Variants in AGAP6 observed in about 807,000 individuals in gnomAD.
The protein encoded by AGAP6 is ArfGAP with GTPase domain, ankyrin repeat and PH domain 6.
Under a neutral mutation model 63.9 loss-of-function variants are expected in AGAP6, and 29 were observed. That is an observed-to-expected ratio of 0.45 (90% CI 0.34 to 0.62). The LOEUF (loss-of-function observed/expected upper bound fraction) is 0.62, where lower values mean the gene tolerates loss of function less well. Ranked by LOEUF, AGAP6 falls within the 20% of genes least tolerant of loss-of-function variation. The probability of loss-of-function intolerance (pLI) is 0.01; values close to 1 mark genes in which losing one functional copy is unlikely to be tolerated. For synonymous variants in AGAP6, 199 were observed against 332.9 expected (o/e 0.60, Z 4.38); for missense variants, 493 against 884.9 (o/e 0.56, Z 5.62).
intron 4 of AGAP6, among the ~76,000 whole-genome samples, chr10:49,999,565 T>C (rs1365470891): frequency 8.3e-6 from 1 of 121,068 alleles, no homozygotes; most frequent in Non-Finnish European, 1.7e-5. Context: ...AAGACAAGGA[T>C]GCCCACTCTC....
chr10:50,005,438 C>T (rs1231593857), intron 6 of AGAP6, among the ~76,000 whole-genome samples: 11 of 152,224 alleles, frequency 7.2e-5, no homozygotes, highest in African/African-American at 2.4e-4. Context: ...GGCAAAACCC[C>T]GTCTCTACTA....
Position 50,009,711 on chromosome 10 carries a change from G to C in AGAP6, c.1586G>C (p.Arg529Thr), listed in dbSNP as rs1554865287. The change falls in exon 8 of 8, where the codon AGG becomes ACG. Residue 529 changes from arginine to threonine, a missense_variant. By Grantham distance (71) the Arg-to-Thr change is moderately conservative (BLOSUM62 -1). Transcript: ENST00000412531. ...LELDDWPVEL[R>T]KVMSSIVNDL... ...CTGGATGACTGGCCAGTTGAGCTCAGGAAGGTTATGTCATCTATTGTCAAT... is the reference window on the plus strand; with the variant it reads ...CTGGATGACTGGCCAGTTGAGCTCACGAAGGTTATGTCATCTATTGTCAAT... The C allele has an allele frequency of 6.2e-7, 1 of 1,614,104 alleles. No individual in the cohort carries two copies. Among genetic ancestry groups the C allele is most frequent in the Non-Finnish European group, 8.5e-7 (1 of 1,180,040 alleles).
intron 5 of AGAP6, among the ~76,000 whole-genome samples, chr10:50,002,532 C>CT (rs1190158846): frequency 1.7e-5 from 2 of 119,576 alleles, no homozygotes; most frequent in Non-Finnish European, 3.5e-5. Flanking sequence ...GCATGAGCAC[C>CT]TCATGGGCCA....
intron 2 of AGAP6, among the ~76,000 whole-genome samples, chr10:49,989,586 C>A (rs61848262): frequency 6.6e-6 from 1 of 151,802 alleles, no homozygotes; most frequent in South Asian, 2.1e-4. Context: ...GTAGCCAAAT[C>A]TCAGGACAGT....
At chr10:49,990,155 T>A (rs1447425006) in intron 2 of AGAP6, among the ~76,000 whole-genome samples, 2 of 152,190 alleles carry the variant, frequency 1.3e-5, no homozygotes, top group Admixed American at 1.3e-4. Context: ...AGTTACAGTT[T>A]TGGCTGGGCT....
intron 6 of AGAP6, among the ~76,000 whole-genome samples, chr10:50,006,990 T>G (rs1421867862): frequency 1.3e-5 from 2 of 151,526 alleles, no homozygotes; most frequent in Non-Finnish European, 2.9e-5. Context: ...ACTTTTGCTT[T>G]TATATAATCA....
chr10:49,988,787 G>A lies in AGAP6; in HGVS notation c.72G>A (p.Val24=). The change falls in exon 1 of 8, where the codon GTG becomes GTA. Residue 24 remains valine (V), a synonymous_variant. Coordinates refer to ENST00000412531, the MANE Select transcript of AGAP6 (RefSeq NM_001077665.3). The part of the protein sequence containing the change: ...SLEFDQQQGS[V]CPSESETYEA... ...AGTTTGACCAGCAGCAGGGGTCGGTGTGTCCCTCTGAATCTGAGACCTATG... is the reference window on the plus strand; with the variant it reads ...AGTTTGACCAGCAGCAGGGGTCGGTATGTCCCTCTGAATCTGAGACCTATG... The A allele has an allele frequency of 6.3e-7, 1 of 1,597,142 alleles. No individual in the cohort carries two copies. The highest frequency in any genetic ancestry group is 8.5e-7 in the Non-Finnish European group (1 of 1,179,534).
chr10:49,994,569 T>A (rs1209767174), intron 4 of AGAP6, 140 bp downstream of exon 4: 9 of 1,235,218 alleles, frequency 7.3e-6, no homozygotes, highest in Non-Finnish European at 4.3e-6. Flanking sequence ...TCTTCTATTT[T>A]CCTGAGTATT....
At chr10:50,006,124 G>A (rs1342134308) in intron 6 of AGAP6, among the ~76,000 whole-genome samples, 1 of 151,866 alleles carries the variant, frequency 6.6e-6, no homozygotes, top group Non-Finnish European at 1.5e-5. Flanking sequence ...GATCTTTCTT[G>A]CACAGTAAAT....
Position 49,988,467 on chromosome 10 carries a change from T to C in AGAP6, c.-249T>C. The C allele has an allele frequency of 1.4e-6, 2 of 1,405,642 alleles. No individual in the cohort carries two copies. Among genetic ancestry groups the C allele is most frequent in the Non-Finnish European group, 1.9e-6 (2 of 1,077,364 alleles). 87.1% of individuals were successfully genotyped at this position (1,405,642 alleles called of 1,614,324 possible). On this transcript the variant is annotated 5_prime_UTR_variant, in exon 1 of 8. Coordinates refer to ENST00000412531, the MANE Select transcript of AGAP6 (RefSeq NM_001077665.3). Reference sequence around the variant, plus strand: ...CTTGTTGGTTTCACAACCTATTAAATAAGCCGGCTGGTCTTCACCCTCCCA... The same window carrying C: ...CTTGTTGGTTTCACAACCTATTAAACAAGCCGGCTGGTCTTCACCCTCCCA...
intron 2 of AGAP6, 113 bp downstream of exon 2, chr10:49,989,489 G>A: frequency 2.0e-6 from 3 of 1,511,086 alleles, no homozygotes; most frequent in Non-Finnish European, 2.7e-6. Context: ...CAACTTTTCA[G>A]TACCCATCTT....
At position 50,002,032 on chromosome 10, in the gene AGAP6, T is replaced by C. The variant is rs782744794; in HGVS notation, c.433T>C (p.Cys145Arg). ...GCGTTTCAGTCAACAATACAGCTTG[T>C]GTTCGACAATATTCCTTGATGACAG... is the stretch of plus-strand genomic sequence containing the variant. ...AVRFSQQYSLCSTIFLDDSTA... is the reference protein window; with the variant it reads ...AVRFSQQYSLRSTIFLDDSTA... The change falls in exon 5 of 8, where the codon TGT becomes CGT. Residue 145 changes from cysteine to arginine, a missense_variant. Physicochemically the swap from Cys to Arg is radical, Grantham distance 180. Transcript: ENST00000412531. 12 of 1,612,638 alleles carry C rather than the reference T, an allele frequency of 7.4e-6. No individual in the cohort carries two copies. The highest frequency in any genetic ancestry group is 1.0e-5 in the Non-Finnish European group (12 of 1,179,984).
intron 4 of AGAP6, among the ~76,000 whole-genome samples, chr10:50,001,421 C>CTT (rs1158013781): frequency 0.16 from 13,733 of 86,000 alleles, 1,457 homozygotes; most frequent in Non-Finnish European, 0.23. Flanking sequence ...TTAAACTTTT[C>CTT]TTTTTTTTTT....
In AGAP6 at chr10:49,998,006, AT is replaced by A. The variant is rs1554862321; in HGVS notation, c.396+3578del. 5.2e-4 allele frequency among the ~76,000 whole-genome samples: 71 copies of A among 137,630 alleles called. 10 individuals carry two copies. The highest frequency in any genetic ancestry group is 9.1e-4 in the Non-Finnish European group (60 of 65,954). The allele number at this position is 137,630 out of a possible 152,430, so 90.3% of individuals were successfully genotyped here. A position where few individuals can be genotyped will look rare whatever the true frequency, so the allele number is the denominator to read the frequency against. On this transcript the variant is annotated intron_variant, in intron 4 of 7. Coordinates refer to ENST00000412531, the MANE Select transcript of AGAP6 (RefSeq NM_001077665.3). ...TGGAATTCCTCATATATATATATATATATATATATGTATGTATATCACGGTT... is the reference window on the plus strand; with the variant it reads ...TGGAATTCCTCATATATATATATATAATATATATGTATGTATATCACGGTT...
At chr10:49,992,707 G>T (rs1841327804) in intron 3 of AGAP6, among the ~76,000 whole-genome samples, 1 of 152,086 alleles carries the variant, frequency 6.6e-6, no homozygotes, top group South Asian at 2.1e-4. Flanking sequence ...AGGGGAAGCA[G>T]GTGGTTCCAC....
intron 3 of AGAP6, among the ~76,000 whole-genome samples, chr10:49,993,650 T>C (rs1176323283): frequency 6.6e-6 from 1 of 152,002 alleles, no homozygotes; most frequent in African/African-American, 2.4e-5. Flanking sequence ...ACTCTGTCTC[T>C]ACTAAAAATA....
At chr10:49,998,006 A>ATATATATG (rs1258048614) in intron 4 of AGAP6, among the ~76,000 whole-genome samples, 2 of 137,630 alleles carry the variant, frequency 1.5e-5, no homozygotes, top group African/African-American at 5.7e-5. Flanking sequence ...ATATATATAT[A>ATATATATG]TATATATATG....
At chr10:49,993,490 C>A (rs1187094431) in intron 3 of AGAP6, among the ~76,000 whole-genome samples, 15 of 152,204 alleles carry the variant, frequency 9.9e-5, no homozygotes, top group African/African-American at 2.9e-4. Flanking sequence ...GCTGCAGACA[C>A]CATGTCCAAT....
rs201137183 is a variant in AGAP6 at position 50,009,597 on chromosome 10, G to A, written c.1472G>A (p.Ser491Asn). The A allele has an allele frequency of 1.1e-5, 17 of 1,614,014 alleles. No homozygotes were observed. The highest frequency in any genetic ancestry group is 6.7e-5 in the Admixed American group (4 of 60,008). Residue 491 changes from serine to asparagine, a missense_variant, in exon 8 of 8, where the codon AGT becomes AAT. Around this residue, in one of 7 missense-constraint regions of AGAP6, gnomAD observed 87 missense variants for 92.9 expected, o/e 0.94. Transcript: ENST00000412531. ...GAGACCCAGAATCCTAAGTGGGCCAGTTTGAACTTGGGAGTCCTCATGTGT... is the reference window on the plus strand; with the variant it reads ...GAGACCCAGAATCCTAAGTGGGCCAATTTGAACTTGGGAGTCCTCATGTGT... ...DCETQNPKWA[S>N]LNLGVLMCIE...
Sources: gnomAD v4.1 joint callset for allele counts (sites outside exome capture counted in the v4.1 genomes callset) on GRCh38, gnomAD v4.1.1 for gene constraint, gnomAD v4.1.1 regional missense constraint, MANE v1.5 for transcripts, NCBI Gene and HGNC (gene_info 2026-07-23, HGNC 2026-07-21) for gene names.